Variants in KIRREL3 observed in about 807,000 individuals in gnomAD.
The protein encoded by KIRREL3 is kin of IRRE-like protein 3.
KIRREL3 carries 36 observed loss-of-function variants against 89.7 expected under a neutral mutation model. That is an observed-to-expected ratio of 0.40 (90% CI 0.31 to 0.53). The LOEUF (loss-of-function observed/expected upper bound fraction) is 0.53. KIRREL3 is among the 20% of genes least tolerant of loss of function. KIRREL3 has a pLI of 0.49. For synonymous variants in KIRREL3, 445 were observed against 441.4 expected, an observed-to-expected ratio of 1.01 and a Z score of -0.10; for missense variants, 864 against 1,056.6, an observed-to-expected ratio of 0.82 and a Z score of 2.53.
intron 1 of KIRREL3, among the ~76,000 whole-genome samples, chr11:126,824,223 A>AACAAGCATTCTCATCCGGC (rs1943328410): frequency 6.6e-6 from 1 of 152,174 alleles, no homozygotes; most frequent in African/African-American, 2.4e-5. Context: ...GAGGGAGACA[A>AACAAGCATTCTCATCCGGC]ACAAGCATTC....
intron 1 of KIRREL3, among the ~76,000 whole-genome samples, chr11:126,637,541 C>T (rs56225163): frequency 0.076 from 11,531 of 152,212 alleles, 598 homozygotes; most frequent in African/African-American, 0.14. Context: ...CTAGTTTCTC[C>T]TCTTGCAAAT....
In KIRREL3 at chr11:126,521,667, T is replaced by TCA. The variant is rs1222996555; in HGVS notation, c.284-204_284-203insTG. On this transcript the variant is annotated intron_variant, in intron 3 of 16. Coordinates refer to ENST00000525144, the MANE Select transcript of KIRREL3 (RefSeq NM_032531.4). This position sits in a 1 kb window ranked among gnomAD's most constrained non-coding sequence, Gnocchi z 4.1. The stretch of plus-strand genomic sequence containing the variant: ...ATTGAAGGTGTTGGTTCTCTCTCTC[T>TCA]CTCTCTGTATGTGTGTGTGTGTGTG... Among the ~76,000 whole-genome samples, 1 of 145,084 alleles carries TCA rather than the reference T, an allele frequency of 6.9e-6. No individual in the cohort carries two copies. The highest frequency in any genetic ancestry group is 7.1e-5 in the Admixed American group (1 of 14,118).
At chr11:126,661,453 A>G (rs2135015640) in intron 1 of KIRREL3, among the ~76,000 whole-genome samples, 1 of 152,360 alleles carries the variant, frequency 6.6e-6, no homozygotes, top group East Asian at 1.9e-4. Context: ...AGGAGGAGGC[A>G]CATTACTCAA....
In KIRREL3 at chr11:126,668,718, TTTCTTTC is replaced by T. The variant is rs1295602355; in HGVS notation, c.56-105813_56-105807del. Among the ~76,000 whole-genome samples the T allele has an allele frequency of 2.0e-5, 2 of 101,202 alleles. No homozygotes were observed. The highest frequency in any genetic ancestry group is 4.5e-5 in the Non-Finnish European group (2 of 44,510). The allele number at this position is 101,202 out of a possible 152,430, so 66.4% of individuals were successfully genotyped here. On this transcript the variant is annotated intron_variant, in intron 1 of 16. Coordinates refer to ENST00000525144, the MANE Select transcript of KIRREL3 (RefSeq NM_032531.4). The surrounding 1 kb of genome is among the most constrained non-coding windows in gnomAD (Gnocchi z 4.4). ...TTTTCTTTCTTTCTTTCTTTCTTTC[TTTCTTTC>T]TTTCTTTCTTTCTTTCTTTCTTTCT...
At position 126,769,580 on chromosome 11, in the gene KIRREL3, A is replaced by G. The variant is rs1314058093; in HGVS notation, c.56-206668T>C. 1.3e-5 allele frequency among the ~76,000 whole-genome samples: 2 copies of G among 152,222 alleles called. No homozygotes were observed. The highest frequency in any genetic ancestry group is 2.9e-5 in the Non-Finnish European group (2 of 68,040). On this transcript the variant is annotated intron_variant, in intron 1 of 16. Transcript: ENST00000525144. The surrounding 1 kb of genome is among the most constrained non-coding windows in gnomAD (Gnocchi z 4.3). ...TTTTCATTTACCACTGAATGCATGG[A>G]CAGAGTTCTCAATCCTGTCTTTCAA...
At chr11:126,756,148 C>T (rs1239037631) in intron 1 of KIRREL3, among the ~76,000 whole-genome samples, 1 of 152,132 alleles carries the variant, frequency 6.6e-6, no homozygotes, top group Non-Finnish European at 1.5e-5. Context: ...ATATTTATAA[C>T]TCGATGAAGC....
rs1941208908 is a variant in KIRREL3 at position 126,575,497 on chromosome 11, A to G, written c.56-12585T>C. Among the ~76,000 whole-genome samples the G allele has an allele frequency of 6.6e-6, 1 of 152,202 alleles. No individual in the cohort carries two copies. Among genetic ancestry groups the G allele is most frequent in the Admixed American group, 6.5e-5 (1 of 15,280 alleles). On this transcript the variant is annotated intron_variant, in intron 1 of 16. Transcript: ENST00000525144. This position sits in a 1 kb window ranked among gnomAD's most constrained non-coding sequence, Gnocchi z 7.0. ...GTGTTCCTAAACCCTGTCTAAATGTATGGAACCAAGGCCGGACACATTGTA... is the reference window on the plus strand; with the variant it reads ...GTGTTCCTAAACCCTGTCTAAATGTGTGGAACCAAGGCCGGACACATTGTA...
In KIRREL3 at chr11:126,953,052, T is replaced by G. The variant is rs1948815791; in HGVS notation, c.55+47403A>C. Among the ~76,000 whole-genome samples, 1 of 152,242 alleles carries G rather than the reference T, an allele frequency of 6.6e-6. No individual in the cohort carries two copies. Among genetic ancestry groups the G allele is most frequent in the Non-Finnish European group, 1.5e-5 (1 of 68,042 alleles). On this transcript the variant is annotated intron_variant, in intron 1 of 16. Coordinates refer to ENST00000525144, the MANE Select transcript of KIRREL3 (RefSeq NM_032531.4). This position sits in a 1 kb window ranked among gnomAD's most constrained non-coding sequence, Gnocchi z 5.2. ...TGCACATGTATGTTTATTGCAGCAC[T>G]GTTCACAATAACAAAGACTTGGAAC...
chr11:126,798,505 T>A (rs968572452), intron 1 of KIRREL3, among the ~76,000 whole-genome samples: 2 of 152,214 alleles, frequency 1.3e-5, no homozygotes, highest in African/African-American at 4.8e-5. Flanking sequence ...TAATTATCAT[T>A]AGGAAAAGCA....
Position 126,750,939 on chromosome 11 carries a change from A to T in KIRREL3, c.56-188027T>A, listed in dbSNP as rs1565701533. 6.6e-6 allele frequency among the ~76,000 whole-genome samples: 1 copy of T among 152,228 alleles called. No individual in the cohort carries two copies. On this transcript the variant is annotated intron_variant, in intron 1 of 16. Coordinates refer to ENST00000525144, the MANE Select transcript of KIRREL3 (RefSeq NM_032531.4). This position sits in a 1 kb window ranked among gnomAD's most constrained non-coding sequence, Gnocchi z 4.2. ...TCCCTAAGGTGCTAAACACATTTATAGATTTTTATAAATCCAATTAAGTTT... is the reference window on the plus strand; with the variant it reads ...TCCCTAAGGTGCTAAACACATTTATTGATTTTTATAAATCCAATTAAGTTT...
Position 126,895,207 on chromosome 11 carries a change from A to G in KIRREL3, c.55+105248T>C, listed in dbSNP as rs186744008. 3.7e-3 allele frequency among the ~76,000 whole-genome samples: 567 copies of G among 152,192 alleles called. 1 individual carries two copies. The highest frequency in any genetic ancestry group is 6.5e-3 in the Non-Finnish European group (443 of 67,988). ...GCCGGGTGCAGTGGCTCACACCTGT[A>G]ACCCCAGCACTTTGGGAGGCTGAGA... On this transcript the variant is annotated intron_variant, in intron 1 of 16. Transcript: ENST00000525144.
At chr11:126,466,899 G>C (rs1565478318) in intron 5 of KIRREL3, among the ~76,000 whole-genome samples, 1 of 152,208 alleles carries the variant, frequency 6.6e-6, no homozygotes, top group Non-Finnish European at 1.5e-5. Flanking sequence ...CACTGTGGGA[G>C]CCACCGCCTC....
chr11:126,738,386 G>C (rs1228704639), intron 1 of KIRREL3, among the ~76,000 whole-genome samples: 3 of 152,092 alleles, frequency 2.0e-5, no homozygotes, highest in African/African-American at 4.8e-5. Flanking sequence ...AGCTGGAAGT[G>C]GGTTTCACAG....
At chr11:126,818,853 G>A (rs1449961636) in intron 1 of KIRREL3, among the ~76,000 whole-genome samples, 1 of 151,952 alleles carries the variant, frequency 6.6e-6, no homozygotes, top group Non-Finnish European at 1.5e-5. Context: ...TTCAAATTCT[G>A]TAGAAATTTT....
intron 11 of KIRREL3, among the ~76,000 whole-genome samples, chr11:126,437,551 T>C (rs1021483424): frequency 6.6e-6 from 1 of 150,946 alleles, no homozygotes; most frequent in Non-Finnish European, 1.5e-5. Context: ...ACACAACACA[T>C]CACAGTGCAC....
At chr11:126,933,373 C>T (rs1016471813) in intron 1 of KIRREL3, among the ~76,000 whole-genome samples, 2 of 151,918 alleles carry the variant, frequency 1.3e-5, no homozygotes, top group Admixed American at 1.3e-4. Flanking sequence ...TCATTCTAGT[C>T]CCTATTTGTA....
In KIRREL3 at chr11:126,564,158, G is replaced by C. The variant is rs1046499890; in HGVS notation, c.56-1246C>G. 3.3e-5 allele frequency among the ~76,000 whole-genome samples: 5 copies of C among 152,204 alleles called. No homozygotes were observed. The highest frequency in any genetic ancestry group is 2.1e-4 in the South Asian group (1 of 4,836). ...TTCCTTTGATTTCTCAGAGAAAGAG[G>C]GTCCCAATGAGTGATGCATCACAGC... On this transcript the variant is annotated intron_variant, in intron 1 of 16. Transcript: ENST00000525144. This position sits in a 1 kb window ranked among gnomAD's most constrained non-coding sequence, Gnocchi z 7.4.
chr11:126,836,341 C>T (rs1413691573), intron 1 of KIRREL3, among the ~76,000 whole-genome samples: 1 of 152,146 alleles, frequency 6.6e-6, no homozygotes, highest in Non-Finnish European at 1.5e-5. Flanking sequence ...AATCTGATAC[C>T]TTTAAGGTTC....
chr11:126,693,999 G>C (rs1946985847), intron 1 of KIRREL3, among the ~76,000 whole-genome samples: 1 of 152,236 alleles, frequency 6.6e-6, no homozygotes, highest in South Asian at 2.1e-4. Flanking sequence ...GTAGAGGAAG[G>C]AGCTGGGGCC....
Sources: gnomAD v4.1 joint callset for allele counts (sites outside exome capture counted in the v4.1 genomes callset) on GRCh38, gnomAD v4.1.1 for gene constraint, Gnocchi (gnomAD v3.1) non-coding constraint, MANE v1.5 for transcripts, NCBI Gene and HGNC (gene_info 2026-07-23, HGNC 2026-07-21) for gene names.